TXLNB: variants seen among roughly 807,000 people sequenced by gnomAD.
The protein encoded by TXLNB is taxilin beta, also known as beta-taxilin.
TXLNB carries 37 observed loss-of-function variants against 57.4 expected under a neutral mutation model. The observed-to-expected ratio is 0.64, with a 90% CI of 0.50 to 0.85. The LOEUF (loss-of-function observed/expected upper bound fraction) is 0.85, where lower values mean the gene tolerates loss of function less well. Ranked by LOEUF, TXLNB falls within the 40% of genes least tolerant of loss-of-function variation. The pLI, the probability that TXLNB is intolerant of heterozygous loss-of-function variation, is 0.00. For missense variants in TXLNB, 848 were observed against 825.6 expected (o/e 1.03, Z -0.33); for synonymous variants, 302 against 309.6 (o/e 0.98, Z 0.26).
intron 8 of TXLNB, 71 bp from the exon 9 acceptor site, chr6:139,244,761 T>G: frequency 1.9e-6 from 2 of 1,026,298 alleles, no homozygotes; most frequent in Non-Finnish European, 3.1e-6. Context: ...TAGCTCCATA[T>G]GTGAGACCAG....
intron 7 of TXLNB, among the ~76,000 whole-genome samples, chr6:139,252,612 T>C (rs531621972): frequency 6.6e-6 from 1 of 152,224 alleles, no homozygotes; most frequent in Non-Finnish European, 1.5e-5. Context: ...TCTTCAGCTC[T>C]GGAAGTTCTC....
chr6:139,291,385 A>G (rs1777297850), intron 1 of TXLNB, among the ~76,000 whole-genome samples: 1 of 152,240 alleles, frequency 6.6e-6, no homozygotes, highest in Non-Finnish European at 1.5e-5. Flanking sequence ...AGCTGTCCAT[A>G]GGAGTTTTAC....
the TXLNB span, among the ~76,000 whole-genome samples, chr6:139,220,575 C>T: frequency 2.6e-5 from 4 of 152,104 alleles, no homozygotes; most frequent in Non-Finnish European, 2.9e-5. Context: ...ATCATATCTG[C>T]GTCTGACAAA....
the TXLNB span, among the ~76,000 whole-genome samples, chr6:139,196,655 ATGAGCCACTACACCCGGCCCAGATCT>A: frequency 6.6e-6 from 1 of 152,096 alleles, no homozygotes; most frequent in African/African-American, 2.4e-5. Flanking sequence ...GATTACAGGC[ATGAGCCACTACACCCGGCCCAGATCT>A]CTTTAAACCT....
At chr6:139,175,045 C>G in the TXLNB span, among the ~76,000 whole-genome samples, 1 of 152,158 alleles carries the variant, frequency 6.6e-6, no homozygotes, top group Non-Finnish European at 1.5e-5. Context: ...CCAGGAATTG[C>G]ATGCCTTGTA....
At chr6:139,319,626 A>G in the TXLNB span, among the ~76,000 whole-genome samples, 1 of 151,950 alleles carries the variant, frequency 6.6e-6, no homozygotes, top group African/African-American at 2.4e-5. Context: ...TTAGCTGGGC[A>G]TGGTGGCATG....
At chr6:139,181,170 C>A in the TXLNB span, among the ~76,000 whole-genome samples, 1 of 152,220 alleles carries the variant, frequency 6.6e-6, no homozygotes, top group East Asian at 1.9e-4. Flanking sequence ...AAACTTAAGT[C>A]GTCCTGATTT....
At chr6:139,167,182 C>T in the TXLNB span, 2 of 1,614,098 alleles carry the variant, frequency 1.2e-6, no homozygotes, top group South Asian at 1.1e-5. Flanking sequence ...CGCTCAGTGC[C>T]AGCCACAGAA....
chr6:139,228,526 CAAA>C, the TXLNB span, among the ~76,000 whole-genome samples: 6 of 44,294 alleles, frequency 1.4e-4, no homozygotes, highest in Non-Finnish European at 5.1e-5. Context: ...AACTCCATCT[CAAA>C]AAAAAAAAAA....
the TXLNB span, among the ~76,000 whole-genome samples, chr6:139,207,440 A>C: frequency 6.6e-6 from 1 of 152,346 alleles, no homozygotes; most frequent in Admixed American, 6.5e-5. Flanking sequence ...ATGAATGATA[A>C]TAGTGACACA....
the TXLNB span, among the ~76,000 whole-genome samples, chr6:139,190,260 G>C: frequency 8.6e-5 from 13 of 151,222 alleles, no homozygotes; most frequent in South Asian, 2.7e-3. Context: ...TAAGATCAAG[G>C]TGCCAACAGA....
rs1775951384 is a variant in TXLNB at position 139,242,222 on chromosome 6, T to A, written c.*304A>T. 4.5e-6 allele frequency: 1 copy of A among 224,294 alleles called. No individual in the cohort carries two copies. The highest frequency in any genetic ancestry group is 2.3e-5 in the African/African-American group (1 of 44,414). 13.9% of individuals were successfully genotyped at this position (224,294 alleles called of 1,614,324 possible). Reference sequence around the variant, plus strand: ...GTCTTTAAACATCAAATCTTACTGGTGATTAACAAATTTAAGTATTATCTT... The same window carrying A: ...GTCTTTAAACATCAAATCTTACTGGAGATTAACAAATTTAAGTATTATCTT... On this transcript the variant is annotated 3_prime_UTR_variant, in exon 10 of 10. Transcript: ENST00000358430.
intron 2 of TXLNB, among the ~76,000 whole-genome samples, chr6:139,278,093 C>T (rs1241205537): frequency 6.6e-6 from 1 of 152,164 alleles, no homozygotes; most frequent in Admixed American, 6.5e-5. Flanking sequence ...TACATGGAAT[C>T]AAGGAATTTT....
Position 139,242,686 on chromosome 6 carries a change from G to A in TXLNB, c.1895C>T (p.Ala632Val). ...GTGCTCTTCTGCTGCGCATGCTGGA[G>A]CAGGCACATCTGCCTCCATCTTCTG... ...SLQKMEADVP[A>V]PACAAEEHVA... Residue 632 changes from alanine to valine, a missense_variant, in exon 10 of 10, where the codon GCT (alanine) becomes GTT (valine). By Grantham distance (64) the Ala-to-Val change is moderately conservative. Coordinates refer to ENST00000358430, the MANE Select transcript of TXLNB (RefSeq NM_153235.4). 1 of 1,611,250 alleles carries A rather than the reference G, an allele frequency of 6.2e-7. No individual in the cohort carries two copies. Among genetic ancestry groups the A allele is most frequent in the Admixed American group, 1.7e-5 (1 of 59,344 alleles).
At position 139,243,987 on chromosome 6, in the gene TXLNB, C is replaced by G. The variant is rs181059009; in HGVS notation, c.1266+608G>C. On this transcript the variant is annotated intron_variant, in intron 9 of 9. Coordinates refer to ENST00000358430, the MANE Select transcript of TXLNB (RefSeq NM_153235.4). ...TCTGAGCTACTCTGTCCCTTTGAGA[C>G]CTTTTTTCCCCCACTCGTTATACAT... 1.8e-3 allele frequency among the ~76,000 whole-genome samples: 271 copies of G among 150,538 alleles called. 2 individuals carry two copies. Among genetic ancestry groups the G allele is most frequent in the Middle Eastern group, 6.9e-3 (2 of 290 alleles).
At chr6:139,273,232 G>A (rs1776811627) in intron 3 of TXLNB, among the ~76,000 whole-genome samples, 1 of 152,084 alleles carries the variant, frequency 6.6e-6, no homozygotes, top group East Asian at 1.9e-4. Flanking sequence ...ACCATCCCTA[G>A]CCCCTACCTG....
the TXLNB span, among the ~76,000 whole-genome samples, chr6:139,160,842 CA>C: frequency 3.3e-5 from 5 of 152,208 alleles, no homozygotes; most frequent in African/African-American, 1.2e-4. Context: ...AGCATATAAG[CA>C]AACATTTTTA....
the TXLNB span, among the ~76,000 whole-genome samples, chr6:139,210,201 T>A: frequency 6.1e-4 from 92 of 151,066 alleles, no homozygotes; most frequent in Middle Eastern, 3.4e-3. Context: ...ATAAAAAATT[T>A]AAAAAAAAAC....
the TXLNB span, chr6:139,201,870 A>C: frequency 2.0e-5 from 3 of 152,260 alleles, no homozygotes; most frequent in African/African-American, 4.8e-5. Flanking sequence ...ATGCTGGAGA[A>C]AAGCCTTAGA....
Sources: gnomAD v4.1 joint callset for allele counts (sites outside exome capture counted in the v4.1 genomes callset) on GRCh38, gnomAD v4.1.1 for gene constraint, MANE v1.5 for transcripts, NCBI Gene and HGNC (gene_info 2026-07-23, HGNC 2026-07-21) for gene names.